ATP2C2: variants seen among roughly 807,000 people sequenced by gnomAD.
ATP2C2 encodes the protein calcium-transporting ATPase type 2C member 2.
A neutral mutation model predicts 110.8 loss-of-function variants in ATP2C2; 171 were observed. The observed-to-expected ratio is 1.54, with a 90% CI of 1.36 to 1.75. The LOEUF (loss-of-function observed/expected upper bound fraction) is 1.75, where lower values mean the gene tolerates loss of function less well. Among genes scored for constraint, ATP2C2 ranks in the 40% most tolerant of loss-of-function variants. The pLI is 0.00. For missense variants in ATP2C2, 1,963 were observed against 1,235.0 expected (o/e 1.59, Z -8.84); for synonymous variants, 804 against 508.4 (o/e 1.58, Z -7.82).
rs761320433 is a variant in ATP2C2 at position 84,422,631 on chromosome 16, G to C, written c.777G>C (p.Gly259=). 2 of 1,613,190 alleles carry C rather than the reference G, an allele frequency of 1.2e-6. No individual in the cohort carries two copies. Among genetic ancestry groups the C allele is most frequent in the South Asian group, 2.2e-5 (2 of 90,966 alleles). Residue 259 remains glycine, a splice_region_variant and synonymous_variant, in exon 9 of 27, where the codon GGG becomes GGC. Transcript: ENST00000262429. ...ACTTCTCTCTCTCCTGGACACAGGG[G>C]GTCGTGATTGGAACAGGGGAAAGCT... ...GTLVQYGRGQ[G]VVIGTGESSQ...
intron 1 of ATP2C2, among the ~76,000 whole-genome samples, chr16:84,386,894 T>G (rs2151404663): frequency 6.7e-6 from 1 of 149,204 alleles, no homozygotes; most frequent in East Asian, 2.0e-4. Context: ...GTTGGCTGCA[T>G]TTAGGGTTTT....
At chr16:84,368,925 T>C (rs1011027318) in intron 1 of ATP2C2, among the ~76,000 whole-genome samples, 1 of 152,130 alleles carries the variant, frequency 6.6e-6, no homozygotes, top group African/African-American at 2.4e-5. Flanking sequence ...CGTGAACCCA[T>C]TTTGTGGTTG....
At chr16:84,391,299 C>A (rs1194040654) in intron 1 of ATP2C2, among the ~76,000 whole-genome samples, 3 of 152,138 alleles carry the variant, frequency 2.0e-5, no homozygotes, top group African/African-American at 7.2e-5. Flanking sequence ...AAGCTACAGC[C>A]TCGGACCCTT....
intron 13 of ATP2C2, among the ~76,000 whole-genome samples, chr16:84,440,606 C>G (rs1909156741): frequency 1.3e-5 from 2 of 152,222 alleles, no homozygotes; most frequent in Admixed American, 1.3e-4. Flanking sequence ...GTTTTCTTAA[C>G]CATCACTTGT....
chr16:84,423,589 C>T (rs1907549285), intron 10 of ATP2C2, among the ~76,000 whole-genome samples: 1 of 152,200 alleles, frequency 6.6e-6, no homozygotes. Context: ...TGGGCCCAGG[C>T]CCCTGTTACA....
intron 17 of ATP2C2, 42 bp downstream of exon 17, chr16:84,448,731 G>T: frequency 1.3e-6 from 2 of 1,578,108 alleles, no homozygotes; most frequent in Non-Finnish European, 1.7e-6. Flanking sequence ...AAGCTTGCAT[G>T]TAACATTGAC....
rs750928016 is a variant in ATP2C2 at position 84,415,551 on chromosome 16, C to T, written c.584C>T (p.Ser195Leu). The T allele has an allele frequency of 1.2e-5, 20 of 1,614,114 alleles. No homozygotes were observed. Among genetic ancestry groups the T allele is most frequent in the East Asian group, 2.2e-5 (1 of 44,872 alleles). ...GTTCCTGGTGATGTCGTATCTCTCTCGATCGGAGACCGGATCCCTGCAGAC... is the reference window on the plus strand; with the variant it reads ...GTTCCTGGTGATGTCGTATCTCTCTTGATCGGAGACCGGATCCCTGCAGAC... Reference protein sequence around the residue: ...ELVPGDVVSLSIGDRIPADIR... With the variant: ...ELVPGDVVSLLIGDRIPADIR... The change falls in exon 7 of 27, where the codon TCG becomes TTG. Residue 195 changes from serine (S) to leucine (L), a missense_variant. Physicochemically the swap from Ser to Leu is moderately radical, Grantham distance 145. Coordinates refer to ENST00000262429, the MANE Select transcript of ATP2C2 (RefSeq NM_014861.4).
At chr16:84,433,853 C>T (rs1908507022) in intron 11 of ATP2C2, among the ~76,000 whole-genome samples, 1 of 152,176 alleles carries the variant, frequency 6.6e-6, no homozygotes, top group Non-Finnish European at 1.5e-5. Context: ...TCTCCCCACC[C>T]AGTGCTATGG....
intron 1 of ATP2C2, among the ~76,000 whole-genome samples, chr16:84,398,237 A>G (rs2151416604): frequency 6.6e-6 from 1 of 152,158 alleles, no homozygotes; most frequent in East Asian, 1.9e-4. Context: ...CCTCGTCTCT[A>G]CTAAAAATAC....
At chr16:84,406,529 C>T (rs1236479153) in intron 3 of ATP2C2, 1 of 927,898 alleles carries the variant, frequency 1.1e-6, no homozygotes, top group Non-Finnish European at 1.3e-6. Context: ...CAATCACAGT[C>T]CCCTGGGCAG....
At chr16:84,419,730 C>T (rs1907160208) in intron 7 of ATP2C2, among the ~76,000 whole-genome samples, 1 of 152,068 alleles carries the variant, frequency 6.6e-6, no homozygotes, top group Non-Finnish European at 1.5e-5. Flanking sequence ...CGTATGAGGC[C>T]CTGGGCTGGG....
In ATP2C2 at chr16:84,405,092, C is replaced by T. The variant is rs766603519; in HGVS notation, c.211-36C>T. The T allele has an allele frequency of 7.0e-6, 11 of 1,561,560 alleles. No individual in the cohort carries two copies. The Admixed American group carries it at 1.7e-4, about 24-fold the overall frequency. ...CCCTGTTGCCTCATTCCTTGCTGCGCCCATGAGTGAGCTTGTGCCTGACCT... is the reference window on the plus strand; with the variant it reads ...CCCTGTTGCCTCATTCCTTGCTGCGTCCATGAGTGAGCTTGTGCCTGACCT... On this transcript the variant is annotated intron_variant, in intron 2 of 26. Coordinates refer to ENST00000262429, the MANE Select transcript of ATP2C2 (RefSeq NM_014861.4).
chr16:84,459,089 T>A, intron 21 of ATP2C2, 31 bp from the exon 22 acceptor site: 2 of 1,613,364 alleles, frequency 1.2e-6, no homozygotes, highest in Non-Finnish European at 1.7e-6. Flanking sequence ...GCAGGCCCGC[T>A]CCGTGAGTAA....
chr16:84,385,657 T>C (rs1481227982), intron 1 of ATP2C2, among the ~76,000 whole-genome samples: 2 of 152,214 alleles, frequency 1.3e-5, no homozygotes, highest in Non-Finnish European at 2.9e-5. Context: ...GTTCCGCATG[T>C]CTGGGGAGGC....
In ATP2C2 at chr16:84,415,480, C is replaced by G; in HGVS notation, c.516-3C>G. ...CTTTTGCTTTTTACCATGTCAAATG[C>G]AGCCTAAGAGAAGGAAAACTCCAGC... On this transcript the variant is annotated splice_region_variant and splice_polypyrimidine_tract_variant and intron_variant, in intron 6 of 26. Transcript: ENST00000262429. 1 of 1,613,638 alleles carries G rather than the reference C, an allele frequency of 6.2e-7. No homozygotes were observed. Among genetic ancestry groups the G allele is most frequent in the South Asian group, 1.1e-5 (1 of 91,076 alleles).
At chr16:84,392,759 G>A (rs549193764) in intron 1 of ATP2C2, among the ~76,000 whole-genome samples, 9 of 152,296 alleles carry the variant, frequency 5.9e-5, no homozygotes, top group Admixed American at 1.3e-4. Context: ...CACTGCGCCC[G>A]GCCCATTCTT....
rs368033872 is a variant in ATP2C2, at chr16:84,448,598, C to T, written c.1569C>T (p.Tyr523=). Residue 523 remains tyrosine, a synonymous_variant, in exon 17 of 27, where the codon TAC becomes TAT. Coordinates refer to ENST00000262429, the MANE Select transcript of ATP2C2 (RefSeq NM_014861.4). ...AGGTGATCCGCTACTGCACCATGTA[C>T]AACAACGGGGGCATCCCCCTGCCGC... ...LEEVIRYCTM[Y]NNGGIPLPLT... is the part of the protein sequence containing the mutation. The T allele has an allele frequency of 1.2e-6, 2 of 1,613,976 alleles. No individual in the cohort carries two copies. Among genetic ancestry groups the T allele is most frequent in the African/African-American group, 2.7e-5 (2 of 74,910 alleles).
At chr16:84,383,760 T>TGTG (rs1246366949) in intron 1 of ATP2C2, among the ~76,000 whole-genome samples, 20 of 146,232 alleles carry the variant, frequency 1.4e-4, no homozygotes, top group East Asian at 2.0e-4. Context: ...TATGTGTGTG[T>TGTG]TGGGGGTGGG....
At chr16:84,454,491 TG>T (rs1464969873) in intron 20 of ATP2C2, among the ~76,000 whole-genome samples, 1 of 152,044 alleles carries the variant, frequency 6.6e-6, no homozygotes, top group Non-Finnish European at 1.5e-5. Flanking sequence ...AGGGCCGCAC[TG>T]TTGATTACTG....
Sources: gnomAD v4.1 joint callset for allele counts (sites outside exome capture counted in the v4.1 genomes callset) on GRCh38, gnomAD v4.1.1 for gene constraint, MANE v1.5 for transcripts, NCBI Gene and HGNC (gene_info 2026-07-23, HGNC 2026-07-21) for gene names.